The following ANKS1B variants were observed in gnomAD, a reference collection of about 807,000 sequenced individuals.
ANKS1B encodes ankyrin repeat and sterile alpha motif domain-containing protein 1B.
A neutral mutation model predicts 148.3 loss-of-function variants in ANKS1B; 36 were observed. That is an observed-to-expected ratio of 0.24 (90% CI 0.19 to 0.32). The LOEUF is 0.32. Among genes scored for constraint, ANKS1B ranks in the 10% least tolerant of loss-of-function variants. The pLI is 1.00. For missense variants in ANKS1B, 1,157 were observed against 1,542.6 expected (o/e 0.75, Z 4.19); for synonymous variants, 542 against 560.8 (o/e 0.97, Z 0.47).
chr12:98,786,173 A>G (rs11109605), intron 22 of ANKS1B, among the ~76,000 whole-genome samples: 1,573 of 152,348 alleles, frequency 0.01, 36 homozygotes, highest in African/African-American at 0.036. Flanking sequence ...TTTGTTCACA[A>G]TTTCCCAAAT....
At chr12:99,051,589 A>ACCAAAAAGCAATACTGTTTCAGTTAGTT (rs2099966131) in intron 17 of ANKS1B, among the ~76,000 whole-genome samples, 3 of 152,240 alleles carry the variant, frequency 2.0e-5, no homozygotes, top group Admixed American at 1.3e-4. Flanking sequence ...GCCTGCTGCG[A>ACCAAAAAGCAATACTGTTTCAGTTAGTT]CCAAAAAGCA....
intron 9 of ANKS1B, among the ~76,000 whole-genome samples, chr12:99,631,501 G>A (rs2098160928): frequency 6.6e-6 from 1 of 152,162 alleles, no homozygotes. Flanking sequence ...GATTGGTTAA[G>A]TAGTCATGAC....
intron 8 of ANKS1B, among the ~76,000 whole-genome samples, chr12:99,769,552 C>A (rs1303122147): frequency 2.6e-5 from 4 of 152,178 alleles, no homozygotes; most frequent in African/African-American, 9.7e-5. Flanking sequence ...TTCTGGCTAG[C>A]CTCCCAATCT....
At chr12:99,849,312 C>T (rs2087280176) in intron 1 of ANKS1B, among the ~76,000 whole-genome samples, 3 of 151,908 alleles carry the variant, frequency 2.0e-5, no homozygotes, top group South Asian at 4.2e-4. Context: ...TGTTCAACTT[C>T]CTTAGTTGTC....
intron 4 of ANKS1B, among the ~76,000 whole-genome samples, chr12:99,790,412 G>A (rs1184438287): frequency 6.6e-6 from 1 of 152,040 alleles, no homozygotes; most frequent in Admixed American, 6.6e-5. Context: ...TAAGCAATAA[G>A]AAATCATTTG....
chr12:99,201,671 G>T (rs2082086321), intron 14 of ANKS1B, among the ~76,000 whole-genome samples: 1 of 152,136 alleles, frequency 6.6e-6, no homozygotes, highest in South Asian at 2.1e-4. Flanking sequence ...CTCCTTTGCT[G>T]CAAAGGAAGC....
At chr12:99,601,122 T>TA (rs1347220010) in intron 9 of ANKS1B, among the ~76,000 whole-genome samples, 6 of 152,208 alleles carry the variant, frequency 3.9e-5, no homozygotes, top group South Asian at 2.1e-4. Context: ...TATATGCCTC[T>TA]AACAAGATTT....
intron 12 of ANKS1B, among the ~76,000 whole-genome samples, chr12:99,307,323 G>A (rs755799327): frequency 6.6e-6 from 1 of 152,000 alleles, no homozygotes; most frequent in Admixed American, 6.6e-5. Flanking sequence ...ACAAAAACTC[G>A]ACAAGTAGGA....
intron 17 of ANKS1B, among the ~76,000 whole-genome samples, chr12:98,942,014 G>A (rs754016510): frequency 1.6e-4 from 25 of 152,224 alleles, no homozygotes; most frequent in African/African-American, 5.1e-4. Context: ...AGGCTGAGGC[G>A]GGTAGATTGC....
intron 17 of ANKS1B, among the ~76,000 whole-genome samples, chr12:98,857,102 C>T (rs1474900009): frequency 6.6e-6 from 1 of 152,178 alleles, no homozygotes; most frequent in Non-Finnish European, 1.5e-5. Flanking sequence ...GAAGCACACA[C>T]AGACACAAGA....
chr12:99,929,807 C>T (rs913907903), intron 1 of ANKS1B, among the ~76,000 whole-genome samples: 16 of 151,828 alleles, frequency 1.1e-4, no homozygotes, highest in African/African-American at 1.7e-4. Context: ...CAGATAGTTG[C>T]AGATATGCGG....
At chr12:99,026,261 G>T (rs1309526538) in intron 17 of ANKS1B, among the ~76,000 whole-genome samples, 1 of 152,132 alleles carries the variant, frequency 6.6e-6, no homozygotes, top group Non-Finnish European at 1.5e-5. Context: ...GGTTCTCAAG[G>T]AAGAGTCTCT....
At chr12:98,810,103 C>A (rs1348244992) in intron 19 of ANKS1B, among the ~76,000 whole-genome samples, 1 of 152,200 alleles carries the variant, frequency 6.6e-6, no homozygotes, top group East Asian at 1.9e-4. Flanking sequence ...CAATTTGCAC[C>A]TCCACCAGAT....
At chr12:99,290,362 C>G (rs893536935) in intron 12 of ANKS1B, among the ~76,000 whole-genome samples, 3 of 150,736 alleles carry the variant, frequency 2.0e-5, no homozygotes, top group African/African-American at 7.3e-5. Flanking sequence ...GAACTAATAC[C>G]AATCCTACTC....
At chr12:98,798,795 A>G (rs2098975132) in intron 22 of ANKS1B, 139 bp downstream of exon 22, 3 of 579,590 alleles carry the variant, frequency 5.2e-6, no homozygotes, top group Non-Finnish European at 8.8e-6. Flanking sequence ...AGAAAGCAAG[A>G]GCACCTTTTT....
chr12:99,683,375 C>A (rs949448655), intron 8 of ANKS1B, among the ~76,000 whole-genome samples: 9 of 151,882 alleles, frequency 5.9e-5, no homozygotes, highest in African/African-American at 1.9e-4. Flanking sequence ...GTAGAAAAAC[C>A]TAGAGGAGAT....
Position 99,592,480 on chromosome 12 carries a change from G to GAAA in ANKS1B, c.1272+62584_1272+62586dup, listed in dbSNP as rs60935160. On this transcript the variant is annotated intron_variant, in intron 9 of 26. Transcript: ENST00000683438. ...TAGTGGCTTACTAGAGATTGGAAAT[G>GAAA]AAAAAAAAAAAAGGTGAAAAGAATT... 7.5e-3 allele frequency among the ~76,000 whole-genome samples: 978 copies of GAAA among 130,622 alleles called. 10 individuals are homozygous for GAAA. Among genetic ancestry groups the GAAA allele is most frequent in the African/African-American group, 0.027 (926 of 34,616 alleles). 85.7% of individuals were successfully genotyped at this position (130,622 alleles called of 152,430 possible). A position where few individuals can be genotyped will look rare whatever the true frequency, so the allele number is the denominator to read the frequency against.
At chr12:98,902,153 C>T (rs2099773010) in intron 17 of ANKS1B, among the ~76,000 whole-genome samples, 1 of 152,212 alleles carries the variant, frequency 6.6e-6, no homozygotes, top group Admixed American at 6.5e-5. Flanking sequence ...GACCCATCTG[C>T]CCCAGTCTTC....
chr12:99,303,682 A>G (rs905056615), intron 12 of ANKS1B, among the ~76,000 whole-genome samples: 1 of 152,132 alleles, frequency 6.6e-6, no homozygotes, highest in African/African-American at 2.4e-5. Flanking sequence ...GTTTGGTTAC[A>G]TGGATAAGTT....
Sources: allele counts gnomAD v4.1 joint callset (sites outside exome capture counted in the v4.1 genomes callset), GRCh38; gene constraint gnomAD v4.1.1; transcripts MANE v1.5; gene names NCBI Gene and HGNC (gene_info 2026-07-23, HGNC 2026-07-21).